SYT2: variants seen among roughly 807,000 people sequenced by gnomAD.
The protein encoded by SYT2 is synaptotagmin 2, also known as synaptotagmin-2.
Under a neutral mutation model 39.9 loss-of-function variants are expected in SYT2, and 15 were observed. The observed-to-expected ratio is 0.38, with a 90% confidence interval of 0.25 to 0.58. The LOEUF is 0.58. SYT2 is among the 20% of genes least tolerant of loss of function. SYT2 has a pLI of 0.70. For synonymous variants in SYT2, 181 were observed against 204.5 expected (o/e 0.89, Z 0.98); for missense variants, 389 against 530.3 (o/e 0.73, Z 2.62).
intron 1 of SYT2, among the ~76,000 whole-genome samples, chr1:202,619,648 G>C (rs638005): frequency 0.21 from 31,930 of 152,182 alleles, 3,844 homozygotes; most frequent in East Asian, 0.42. Context: ...CATTTCCTCT[G>C]ATGCAGGTGA....
chr1:202,597,729 G>A (rs574524834), intron 8 of SYT2, among the ~76,000 whole-genome samples: 2 of 152,268 alleles, frequency 1.3e-5, no homozygotes, highest in Admixed American at 6.5e-5. Context: ...ACTGGAGGAG[G>A]AGTGGGCCTA....
chr1:202,668,138 CA>C (rs1558455281), intron 1 of SYT2, among the ~76,000 whole-genome samples: 1 of 152,198 alleles, frequency 6.6e-6, no homozygotes, highest in Non-Finnish European at 1.5e-5. Context: ...TATAGCCCCC[CA>C]GAGTATAAAA....
rs759197647 is a variant in SYT2 at position 202,616,953 on chromosome 1, C to T, written c.-17-11164G>A. ...CCTCTTGCTCGCCTCCAGTCAGTTCCGTATTTGCCACCAAGGCAATCTTCA... is the reference window on the plus strand; with the variant it reads ...CCTCTTGCTCGCCTCCAGTCAGTTCTGTATTTGCCACCAAGGCAATCTTCA... On this transcript the variant is annotated intron_variant, in intron 1 of 8. Coordinates refer to ENST00000367268, the MANE Select transcript of SYT2 (RefSeq NM_177402.5). 9.9e-5 allele frequency among the ~76,000 whole-genome samples: 15 copies of T among 152,222 alleles called. 1 individual carries two copies. The highest frequency in any genetic ancestry group is 6.2e-4 in the South Asian group (3 of 4,832).
At chr1:202,602,849 A>G in intron 4 of SYT2, 150 bp downstream of exon 4, 2 of 994,544 alleles carry the variant, frequency 2.0e-6, no homozygotes. Flanking sequence ...CAATGTCCAG[A>G]GCTATAGGCC....
At chr1:202,617,881 G>A (rs1292210313) in intron 1 of SYT2, among the ~76,000 whole-genome samples, 2 of 152,138 alleles carry the variant, frequency 1.3e-5, no homozygotes, top group Admixed American at 6.5e-5. Context: ...AATTTTGTTG[G>A]GACGCTCACT....
In SYT2 at chr1:202,602,520, G is replaced by A; in HGVS notation, c.491C>T (p.Ala164Val). Residue 164 changes from alanine to valine, a missense_variant, in exon 5 of 9, where the codon GCT (alanine) becomes GTT (valine). Ala to Val is a moderately conservative substitution (Grantham distance 64). Coordinates refer to ENST00000367268, the MANE Select transcript of SYT2 (RefSeq NM_177402.5). Reference sequence around the variant, plus strand: ...TCCCATGTCCAGGGCAGGCAGTTCAGCAGCCTGCAGAACGCCCACAGTAAG... The same window carrying A: ...TCCCATGTCCAGGGCAGGCAGTTCAACAGCCTGCAGAACGCCCACAGTAAG... ...NQLTVGVLQAAELPALDMGGT... is the reference protein window; with the variant it reads ...NQLTVGVLQAVELPALDMGGT... 6.2e-7 allele frequency: 1 copy of A among 1,613,504 alleles called. No homozygotes were observed. The highest frequency in any genetic ancestry group is 8.5e-7 in the Non-Finnish European group (1 of 1,179,886).
chr1:202,625,933 G>C (rs1691391606), intron 1 of SYT2, among the ~76,000 whole-genome samples: 1 of 152,206 alleles, frequency 6.6e-6, no homozygotes, highest in South Asian at 2.1e-4. Flanking sequence ...TGCCAGAAAG[G>C]CTGTGTATGT....
At chr1:202,604,741 A>G (rs1690640604) in intron 2 of SYT2, 120 bp from the exon 3 acceptor site, 1 of 939,382 alleles carries the variant, frequency 1.1e-6, no homozygotes, top group Non-Finnish European at 1.6e-6. Flanking sequence ...CACACCCCAC[A>G]TTTTAAAAGC....
At chr1:202,604,993 G>C (rs1039846809) in intron 2 of SYT2, 1 of 197,930 alleles carries the variant, frequency 5.1e-6, no homozygotes, top group African/African-American at 2.4e-5. Flanking sequence ...ATGCTTATCA[G>C]TCCTTTGGCC....
At chr1:202,690,636 C>T (rs1216774248) in intron 1 of SYT2, among the ~76,000 whole-genome samples, 3 of 152,234 alleles carry the variant, frequency 2.0e-5, no homozygotes, top group Non-Finnish European at 2.9e-5. Flanking sequence ...GGCAAGCCAC[C>T]AAGTCTCTGG....
chr1:202,630,365 T>C lies in SYT2; in HGVS notation c.-17-24576A>G. The C allele has an allele frequency of 7.1e-6, 7 of 985,130 alleles. No individual in the cohort carries two copies. In the South Asian group the frequency reaches 3.3e-4, roughly 46 times the overall value. 61.0% of individuals were successfully genotyped at this position (985,130 alleles called of 1,614,324 possible). On this transcript the variant is annotated intron_variant, in intron 1 of 8. Coordinates refer to ENST00000367268, the MANE Select transcript of SYT2 (RefSeq NM_177402.5). ...ACAGACCCCAATAGAGCGCCGTGCA[T>C]CCCATCGCCAACCGGCTTTCCCATG...
rs1692270018 is a variant in SYT2 at position 202,655,922 on chromosome 1, G to T, written c.-17-50133C>A. ...AGGTGACCATGGAGCGAGTGGGCCTGCTTGGGGCAAAAAGTGCTGGGCCAG... is the reference window on the plus strand; with the variant it reads ...AGGTGACCATGGAGCGAGTGGGCCTTCTTGGGGCAAAAAGTGCTGGGCCAG... On this transcript the variant is annotated intron_variant, in intron 1 of 8. Transcript: ENST00000367268. 1.3e-5 allele frequency among the ~76,000 whole-genome samples: 2 copies of T among 152,290 alleles called. 1 individual carries two copies. The highest frequency in any genetic ancestry group is 4.1e-4 in the South Asian group (2 of 4,826).
chr1:202,693,097 A>G (rs114000847), intron 1 of SYT2, among the ~76,000 whole-genome samples: 451 of 152,216 alleles, frequency 3.0e-3, no homozygotes, highest in Middle Eastern at 6.8e-3. Context: ...TCACCCGAGC[A>G]CTCAGCTTTT....
chr1:202,655,445 G>A (rs1692262000), intron 1 of SYT2, among the ~76,000 whole-genome samples: 1 of 152,122 alleles, frequency 6.6e-6, no homozygotes, highest in Non-Finnish European at 1.5e-5. Flanking sequence ...TGAGCCAACA[G>A]CTGATCAAGT....
intron 1 of SYT2, among the ~76,000 whole-genome samples, chr1:202,662,213 G>A (rs746528739): frequency 4.6e-5 from 7 of 152,184 alleles, no homozygotes; most frequent in Admixed American, 6.5e-5. Flanking sequence ...ACCAGGAAGC[G>A]GCAAGAGGCA....
intron 1 of SYT2, among the ~76,000 whole-genome samples, chr1:202,612,064 C>G (rs1347246605): frequency 3.9e-5 from 6 of 152,142 alleles, no homozygotes; most frequent in Middle Eastern, 3.2e-3. Flanking sequence ...TTTCTACAAT[C>G]CACTTTGAGT....
At chr1:202,603,743 A>G (rs1028039727) in intron 3 of SYT2, among the ~76,000 whole-genome samples, 1 of 152,088 alleles carries the variant, frequency 6.6e-6, no homozygotes, top group African/African-American at 2.4e-5. Context: ...GCCCACATAC[A>G]TACACATACC....
At chr1:202,619,894 C>T (rs1691158829) in intron 1 of SYT2, among the ~76,000 whole-genome samples, 1 of 152,194 alleles carries the variant, frequency 6.6e-6, no homozygotes, top group African/African-American at 2.4e-5. Flanking sequence ...GGGAAGAGGG[C>T]ACAATTACCA....
At chr1:202,669,972 G>C (rs763782911) in intron 1 of SYT2, among the ~76,000 whole-genome samples, 61 of 152,086 alleles carry the variant, frequency 4.0e-4, no homozygotes, top group Non-Finnish European at 7.1e-4. Flanking sequence ...TACAAAGCTT[G>C]CAGGTCCAGA....
Sources: gnomAD v4.1 joint callset for allele counts (sites outside exome capture counted in the v4.1 genomes callset) on GRCh38, gnomAD v4.1.1 for gene constraint, MANE v1.5 for transcripts, NCBI Gene and HGNC (gene_info 2026-07-23, HGNC 2026-07-21) for gene names.